Variants in NKAIN2 observed in about 807,000 individuals in gnomAD.
NKAIN2 encodes sodium/potassium-transporting ATPase subunit beta-1-interacting protein 2.
Under a neutral mutation model 32.6 loss-of-function variants are expected in NKAIN2, and 14 were observed. The ratio of observed to expected loss-of-function variants is 0.43; its 90% CI spans 0.28 to 0.67. The LOEUF (loss-of-function observed/expected upper bound fraction) is 0.67. Ranked by LOEUF, NKAIN2 falls within the 30% of genes least tolerant of loss-of-function variation. The pLI is 0.17. For missense variants in NKAIN2, 198 were observed against 258.3 expected, an observed-to-expected ratio of 0.77 and a Z score of 1.60; for synonymous variants, 80 against 87.2, an observed-to-expected ratio of 0.92 and a Z score of 0.46.
intron 1 of NKAIN2, among the ~76,000 whole-genome samples, chr6:124,075,298 A>G (rs1582590776): frequency 1.3e-5 from 2 of 152,196 alleles, no homozygotes; most frequent in Middle Eastern, 3.2e-3. Context: ...TCATGCAACT[A>G]TATATGCTAT....
At chr6:124,381,581 C>T (rs1215276423) in intron 3 of NKAIN2, among the ~76,000 whole-genome samples, 1 of 152,084 alleles carries the variant, frequency 6.6e-6, no homozygotes, top group South Asian at 2.1e-4. Context: ...GATAGCTTTC[C>T]AGCACCTAAA....
At chr6:124,361,309 G>T (rs1354587992) in intron 3 of NKAIN2, among the ~76,000 whole-genome samples, 1 of 151,842 alleles carries the variant, frequency 6.6e-6, no homozygotes, top group Non-Finnish European at 1.5e-5. Flanking sequence ...AAATTACTCA[G>T]GCTGAAATTA....
chr6:124,154,593 T>C (rs1787892055), intron 1 of NKAIN2, among the ~76,000 whole-genome samples: 1 of 152,006 alleles, frequency 6.6e-6, no homozygotes, highest in Non-Finnish European at 1.5e-5. Flanking sequence ...CTCTAACTCT[T>C]TCTTTAAATG....
chr6:124,443,598 G>A (rs1454073268), intron 3 of NKAIN2, among the ~76,000 whole-genome samples: 2 of 152,044 alleles, frequency 1.3e-5, no homozygotes, highest in Non-Finnish European at 1.5e-5. Flanking sequence ...ATAGGGGGTA[G>A]CATAGGACCA....
chr6:124,533,463 C>T (rs1473185002), intron 3 of NKAIN2, among the ~76,000 whole-genome samples: 1 of 9,604 alleles, frequency 1.0e-4, no homozygotes, highest in Non-Finnish European at 4.9e-4. Context: ...CAGAGCAAGA[C>T]TCTGTCTCAA....
chr6:123,810,949 C>G (rs1376933275), intron 1 of NKAIN2, among the ~76,000 whole-genome samples: 1 of 152,122 alleles, frequency 6.6e-6, no homozygotes, highest in Non-Finnish European at 1.5e-5. Flanking sequence ...GGGCCCTCTC[C>G]TAGAGTTTCT....
chr6:124,712,312 C>T lies in NKAIN2; in HGVS notation c.474+53926C>T, dbSNP rs532149311. Among the ~76,000 whole-genome samples the T allele has an allele frequency of 1.6e-3, 195 of 119,432 alleles. 16 individuals are homozygous for T. The highest frequency in any genetic ancestry group is 0.016 in the Middle Eastern group (4 of 248). 78.4% of individuals were successfully genotyped at this position (119,432 alleles called of 152,430 possible). ...CCCCCAGAGGTGGAGCCTACAGAGG[C>T]AGGCAGGCCTCCTTGAGCTGTGGTG... On this transcript the variant is annotated intron_variant, in intron 4 of 6. Transcript: ENST00000368417.
intron 3 of NKAIN2, among the ~76,000 whole-genome samples, chr6:124,416,788 T>C (rs1045784979): frequency 1.3e-5 from 2 of 152,096 alleles, no homozygotes; most frequent in Admixed American, 6.5e-5. Flanking sequence ...TGGGGTACTC[T>C]TCCTGTCCAG....
chr6:124,707,983 T>C (rs1775193867), intron 4 of NKAIN2, among the ~76,000 whole-genome samples: 4 of 149,008 alleles, frequency 2.7e-5, no homozygotes, highest in Admixed American at 1.3e-4. Flanking sequence ...AGGTCTAACG[T>C]TTAAGTCTTT....
chr6:124,118,606 C>T (rs529008284), intron 1 of NKAIN2, among the ~76,000 whole-genome samples: 14 of 152,156 alleles, frequency 9.2e-5, no homozygotes, highest in Non-Finnish European at 1.6e-4. Context: ...AGGCATTCTT[C>T]TTATTGTCTA....
chr6:124,152,168 A>G (rs1787758409), intron 1 of NKAIN2, among the ~76,000 whole-genome samples: 4 of 151,918 alleles, frequency 2.6e-5, no homozygotes, highest in Admixed American at 2.6e-4. Context: ...GTATTCCCAT[A>G]CAGATGTCCA....
chr6:124,394,497 A>AGATAGATG (rs1773284813), intron 3 of NKAIN2, among the ~76,000 whole-genome samples: 1 of 151,612 alleles, frequency 6.6e-6, no homozygotes, highest in Non-Finnish European at 1.5e-5. Context: ...ATAGATAGAT[A>AGATAGATG]GATAGATAGA....
intron 1 of NKAIN2, among the ~76,000 whole-genome samples, chr6:124,194,092 T>C (rs1235513190): frequency 6.6e-6 from 1 of 151,946 alleles, no homozygotes; most frequent in Non-Finnish European, 1.5e-5. Context: ...ACTCCGATTG[T>C]TCCATGGGTG....
intron 3 of NKAIN2, among the ~76,000 whole-genome samples, chr6:124,479,239 A>C (rs1443627848): frequency 2.0e-5 from 3 of 152,162 alleles, no homozygotes; most frequent in Non-Finnish European, 2.9e-5. Context: ...AACTAAGGAA[A>C]TCTGAATAAA....
chr6:124,293,159 A>G (rs1795894642), intron 2 of NKAIN2, among the ~76,000 whole-genome samples: 1 of 152,126 alleles, frequency 6.6e-6, no homozygotes, highest in South Asian at 2.1e-4. Flanking sequence ...TCCTTCAATT[A>G]TTAAGAATAG....
At chr6:124,139,189 C>T (rs1458294159) in intron 1 of NKAIN2, among the ~76,000 whole-genome samples, 1 of 147,466 alleles carries the variant, frequency 6.8e-6, no homozygotes, top group South Asian at 2.1e-4. Flanking sequence ...CCCGGGTTCA[C>T]GCCATTCTCC....
chr6:124,402,697 C>T (rs535972666), intron 3 of NKAIN2, among the ~76,000 whole-genome samples: 268 of 152,190 alleles, frequency 1.8e-3, no homozygotes, highest in Middle Eastern at 3.4e-3. Flanking sequence ...AAACTAACGC[C>T]GGAACAGAAA....
intron 3 of NKAIN2, among the ~76,000 whole-genome samples, chr6:124,564,854 TAG>T (rs1373887220): frequency 6.6e-6 from 1 of 152,262 alleles, no homozygotes; most frequent in Non-Finnish European, 1.5e-5. Context: ...CGAATCATCT[TAG>T]AGAATGATTC....
rs1020085746 is a variant in NKAIN2, at chr6:124,604,226, G to A, written c.274-53960G>A. ...CACGAAATTTCAACCAAATCCATAA[G>A]TGAATCATATACACACTACATTTTA... On this transcript the variant is annotated intron_variant, in intron 3 of 6. Transcript: ENST00000368417. 3.9e-5 allele frequency among the ~76,000 whole-genome samples: 6 copies of A among 151,976 alleles called. 1 individual carries two copies. Among genetic ancestry groups the A allele is most frequent in the Admixed American group, 2.0e-4 (3 of 15,226 alleles).
Sources: gnomAD v4.1 joint callset for allele counts (sites outside exome capture counted in the v4.1 genomes callset) on GRCh38, gnomAD v4.1.1 for gene constraint, MANE v1.5 for transcripts, NCBI Gene and HGNC (gene_info 2026-07-23, HGNC 2026-07-21) for gene names.